The following STIM2 variants were observed in gnomAD, a reference collection of about 807,000 sequenced individuals.
The protein encoded by STIM2 is stromal interaction molecule 2.
STIM2 carries 31 observed loss-of-function variants against 85.8 expected under a neutral mutation model. The ratio of observed to expected loss-of-function variants is 0.36; its 90% confidence interval spans 0.27 to 0.49. The LOEUF is 0.49. STIM2 is among the 20% of genes least tolerant of loss of function. The pLI, the probability that STIM2 is intolerant of heterozygous loss-of-function variation, is 0.98. For missense variants in STIM2, 841 were observed against 927.6 expected (o/e 0.91, Z 1.21); for synonymous variants, 356 against 331.1 (o/e 1.08, Z -0.82).
intron 2 of STIM2, among the ~76,000 whole-genome samples, chr4:26,951,001 T>A (rs999078038): frequency 4.3e-4 from 65 of 152,172 alleles, no homozygotes; most frequent in African/African-American, 1.5e-3. Context: ...TGATGTAATT[T>A]TATTAAATAT....
At chr4:26,873,760 G>T in intron 1 of STIM2, 1 of 878,088 alleles carries the variant, frequency 1.1e-6, no homozygotes, top group South Asian at 1.3e-5. Flanking sequence ...GTCACTGTCA[G>T]ACTCACTGGG....
intron 1 of STIM2, among the ~76,000 whole-genome samples, chr4:26,904,244 T>A (rs1344306686): frequency 6.6e-6 from 1 of 152,044 alleles, no homozygotes; most frequent in Admixed American, 6.6e-5. Flanking sequence ...GTTTGTTTCT[T>A]TGTTTTGTTT....
intron 1 of STIM2, among the ~76,000 whole-genome samples, chr4:26,882,821 T>C (rs1015271895): frequency 5.3e-5 from 8 of 150,898 alleles, no homozygotes; most frequent in Non-Finnish European, 1.2e-4. Flanking sequence ...GTGTGTCTTT[T>C]CTTGTTTCCT....
chr4:26,987,479 C>T (rs1417805533), intron 3 of STIM2, among the ~76,000 whole-genome samples: 1 of 152,132 alleles, frequency 6.6e-6, no homozygotes, highest in African/African-American at 2.4e-5. Context: ...CCGCCCTTCC[C>T]CATATTTTAC....
chr4:27,018,781 A>T (rs1488389034), intron 11 of STIM2, among the ~76,000 whole-genome samples: 1 of 152,236 alleles, frequency 6.6e-6, no homozygotes, highest in Non-Finnish European at 1.5e-5. Flanking sequence ...TTTTATATGT[A>T]AAATGGAAAA....
At chr4:26,982,632 T>G (rs1727443079) in intron 3 of STIM2, among the ~76,000 whole-genome samples, 1 of 152,172 alleles carries the variant, frequency 6.6e-6, no homozygotes, top group Non-Finnish European at 1.5e-5. Flanking sequence ...AAACAGCCAT[T>G]TCTCCAAGGA....
intron 2 of STIM2, among the ~76,000 whole-genome samples, chr4:26,920,728 C>T (rs1415332778): frequency 6.6e-6 from 1 of 152,160 alleles, no homozygotes; most frequent in Non-Finnish European, 1.5e-5. Context: ...CCTGATTCCT[C>T]TATCTCTAGG....
At position 26,990,248 on chromosome 4, in the gene STIM2, A is replaced by G. The variant is rs868649665; in HGVS notation, c.398-5131A>G. On this transcript the variant is annotated intron_variant, in intron 3 of 11. Coordinates refer to ENST00000467087, the MANE Select transcript of STIM2 (RefSeq NM_020860.4). ...AACCAAAGCATCATGGTACCGGCAT[A>G]AAAACAGACACATATACCAACGAAA... Among the ~76,000 whole-genome samples, 17 of 152,286 alleles carry G rather than the reference A, an allele frequency of 1.1e-4. No individual in the cohort carries two copies. The Middle Eastern group carries it at 0.01, about 91-fold the overall frequency.
intron 3 of STIM2, among the ~76,000 whole-genome samples, chr4:26,968,033 TG>T (rs1485566046): frequency 5.9e-5 from 9 of 152,140 alleles, no homozygotes; most frequent in African/African-American, 1.9e-4. Flanking sequence ...TCGCCAGTCT[TG>T]GTAGTATGCA....
At chr4:26,868,801 GCT>G (rs1473547186) in intron 1 of STIM2, among the ~76,000 whole-genome samples, 1 of 151,696 alleles carries the variant, frequency 6.6e-6, no homozygotes, top group Non-Finnish European at 1.5e-5. Context: ...TGTAATTTTT[GCT>G]CTGTTTCCCT....
At chr4:26,885,859 A>G (rs199933622) in intron 1 of STIM2, among the ~76,000 whole-genome samples, 1,106 of 88,834 alleles carry the variant, frequency 0.012, 42 homozygotes, top group East Asian at 0.044. Flanking sequence ...ATATATATAT[A>G]TATATATATA....
intron 2 of STIM2, among the ~76,000 whole-genome samples, chr4:26,945,224 G>T (rs942945118): frequency 3.3e-5 from 5 of 152,122 alleles, no homozygotes; most frequent in African/African-American, 1.2e-4. Flanking sequence ...GTGTTAGTTT[G>T]CTAAGGATAG....
intron 3 of STIM2, among the ~76,000 whole-genome samples, chr4:26,959,137 A>G (rs1474221336): frequency 1.3e-5 from 2 of 152,158 alleles, no homozygotes; most frequent in Non-Finnish European, 2.9e-5. Context: ...ATTACTCTGT[A>G]GTGACTCAGA....
At position 26,948,371 on chromosome 4, in the gene STIM2, A is replaced by G. The variant is rs2109086673; in HGVS notation, c.283-9241A>G. Among the ~76,000 whole-genome samples, 2 of 152,310 alleles carry G rather than the reference A, an allele frequency of 1.3e-5. 1 individual carries two copies. Among genetic ancestry groups the G allele is most frequent in the Middle Eastern group, 6.8e-3 (2 of 294 alleles). The stretch of plus-strand genomic sequence containing the variant: ...CTCCCTGTGGAATAGGGATAGTCTT[A>G]TTGGCTAGGCTTCCTCAATTCAAAC... On this transcript the variant is annotated intron_variant, in intron 2 of 11. Transcript: ENST00000467087.
Position 27,023,168 on chromosome 4 carries a change from A to T in STIM2, c.*172A>T, listed in dbSNP as rs1403170907. ...AAGGGCAACTGTCTACTGTCTGCTT[A>T]TTTAAGTGACTATATATAATCAATT... is the stretch of plus-strand genomic sequence containing the variant. On this transcript the variant is annotated 3_prime_UTR_variant, in exon 12 of 12. Transcript: ENST00000467087. The T allele has an allele frequency of 6.2e-6, 4 of 643,298 alleles. No individual in the cohort carries two copies. The highest frequency in any genetic ancestry group is 1.1e-5 in the Non-Finnish European group (4 of 367,126). The allele number at this position is 643,298 out of a possible 1,614,324, so 39.8% of individuals were successfully genotyped here. A position where few individuals can be genotyped will look rare whatever the true frequency, so the allele number is the denominator to read the frequency against.
At chr4:26,900,200 T>C (rs778405178) in intron 1 of STIM2, among the ~76,000 whole-genome samples, 10 of 152,172 alleles carry the variant, frequency 6.6e-5, no homozygotes, top group Non-Finnish European at 1.3e-4. Flanking sequence ...GTAGCTAGTG[T>C]ACAGAACTGA....
chr4:26,939,489 C>A (rs1725519142), intron 2 of STIM2, among the ~76,000 whole-genome samples: 1 of 152,120 alleles, frequency 6.6e-6, no homozygotes, highest in Admixed American at 6.6e-5. Context: ...ATAAAGATAA[C>A]TTTTTAAAAT....
chr4:26,965,489 A>G (rs1726682234), intron 3 of STIM2, among the ~76,000 whole-genome samples: 1 of 152,132 alleles, frequency 6.6e-6, no homozygotes, highest in South Asian at 2.1e-4. Flanking sequence ...CTTTTATAAA[A>G]TTATCCAAAT....
intron 1 of STIM2, among the ~76,000 whole-genome samples, chr4:26,903,919 T>G (rs1231258702): frequency 2.6e-5 from 4 of 151,526 alleles, no homozygotes; most frequent in Admixed American, 2.0e-4. Flanking sequence ...GTGGCTAGGA[T>G]TTTTTTTTAA....
Sources: gnomAD v4.1 joint callset for allele counts (sites outside exome capture counted in the v4.1 genomes callset) on GRCh38, gnomAD v4.1.1 for gene constraint, MANE v1.5 for transcripts, NCBI Gene and HGNC (gene_info 2026-07-23, HGNC 2026-07-21) for gene names.